Variants in NAA35 observed in about 807,000 individuals in gnomAD.
The protein encoded by NAA35 is N-alpha-acetyltransferase 35, NatC auxiliary subunit.
In NAA35, 18 loss-of-function variants were observed where a neutral mutation model predicts 101.7. The ratio of observed to expected loss-of-function variants is 0.18; its 90% CI spans 0.12 to 0.26. The LOEUF is 0.26. NAA35 is among the 10% of genes least tolerant of loss of function. NAA35 has a pLI of 1.00. For synonymous variants in NAA35, 267 were observed against 273.1 expected (o/e 0.98, Z 0.22); for missense variants, 601 against 886.8 (o/e 0.68, Z 4.09).
chr9:86,001,768 G>A (rs1428978845), intron 12 of NAA35, among the ~76,000 whole-genome samples: 1 of 152,054 alleles, frequency 6.6e-6, no homozygotes, highest in African/African-American at 2.4e-5. Flanking sequence ...GTGTCATTAT[G>A]TGTGAGATGA....
chr9:85,958,404 C>G lies in NAA35; in HGVS notation c.159-68C>G, dbSNP rs41306239. The G allele has an allele frequency of 4.3e-4, 382 of 891,908 alleles. No homozygotes were observed. The African/African-American group carries it at 5.9e-3, about 14-fold the overall frequency. The allele number at this position is 891,908 out of a possible 1,614,324, so 55.2% of individuals were successfully genotyped here. A position where few individuals can be genotyped will look rare whatever the true frequency, so the allele number is the denominator to read the frequency against. ...TATTAAAAGTAGTATAATTTTATAC[C>G]GTTGTGAAAATATGAATAAGCTTAC... On this transcript the variant is annotated intron_variant, in intron 3 of 22. Coordinates refer to ENST00000361671, the MANE Select transcript of NAA35 (RefSeq NM_024635.4).
At chr9:85,941,910 G>A (rs1211657272) in intron 1 of NAA35, 2 of 1,214,126 alleles carry the variant, frequency 1.6e-6, no homozygotes, top group Non-Finnish European at 2.1e-6. Flanking sequence ...TTAAACAGTA[G>A]GAAGGCAAAA....
intron 1 of NAA35, chr9:85,941,550 G>A (rs976209652): frequency 7.1e-6 from 7 of 985,610 alleles, no homozygotes; most frequent in Non-Finnish European, 8.4e-6. Context: ...CAGTGGGACC[G>A]GGGCTGGGCT....
At chr9:85,977,314 T>C in intron 9 of NAA35, 49 bp from the exon 10 acceptor site, 1 of 1,273,276 alleles carries the variant, frequency 7.9e-7, no homozygotes. Context: ...TGAAATTCCT[T>C]TCACGGGCTT....
chr9:85,991,210 T>C (rs1022094085), intron 11 of NAA35, among the ~76,000 whole-genome samples: 34 of 151,344 alleles, frequency 2.2e-4, no homozygotes, highest in Admixed American at 2.2e-3. Flanking sequence ...AGGCAGGGAG[T>C]AGAGAGAGGC....
Position 86,025,350 on chromosome 9 carries a change from G to GT in NAA35, c.*3392dup, listed in dbSNP as rs1188441004. Among the ~76,000 whole-genome samples, 1 of 152,188 alleles carries GT rather than the reference G, an allele frequency of 6.6e-6. No homozygotes were observed. The highest frequency in any genetic ancestry group is 1.5e-5 in the Non-Finnish European group (1 of 68,034). ...GGGTGGGGCAGAAGCTGGAAAGTCA[G>GT]TTGAGGTGTAGACCATGCAGTGAGG... On this transcript the variant is annotated 3_prime_UTR_variant, in exon 23 of 23. Coordinates refer to ENST00000361671, the MANE Select transcript of NAA35 (RefSeq NM_024635.4).
chr9:86,009,826 G>T, intron 14 of NAA35, 39 bp from the exon 15 acceptor site: 2 of 1,514,414 alleles, frequency 1.3e-6, no homozygotes, highest in East Asian at 2.3e-5. Flanking sequence ...CTTTTGTTTG[G>T]GCTGAATAGA....
chr9:86,017,145 C>T (rs1376860713), intron 18 of NAA35, among the ~76,000 whole-genome samples: 1 of 152,212 alleles, frequency 6.6e-6, no homozygotes, highest in Non-Finnish European at 1.5e-5. Context: ...GATATGGCTG[C>T]AATTATTATA....
Position 86,023,379 on chromosome 9 carries a change from CA to C in NAA35, c.*1426del, listed in dbSNP as rs1168793456. On this transcript the variant is annotated 3_prime_UTR_variant, in exon 23 of 23. Transcript: ENST00000361671. ...GCTGGTAATTACTGAATGCTTTAAA[CA>C]AAAAAAGGCAAAGGAATGGTAGGAA... 6.6e-6 allele frequency among the ~76,000 whole-genome samples: 1 copy of C among 151,152 alleles called. No homozygotes were observed. Among genetic ancestry groups the C allele is most frequent in the Non-Finnish European group, 1.5e-5 (1 of 67,800 alleles).
intron 2 of NAA35, among the ~76,000 whole-genome samples, chr9:85,954,944 G>A (rs1233301390): frequency 6.6e-6 from 1 of 152,102 alleles, no homozygotes; most frequent in East Asian, 1.9e-4. Context: ...TTGAGAGGGA[G>A]TCTCCTTCTG....
At chr9:86,020,534 C>T (rs1832475560) in intron 21 of NAA35, among the ~76,000 whole-genome samples, 1 of 152,214 alleles carries the variant, frequency 6.6e-6, no homozygotes, top group South Asian at 2.1e-4. Context: ...TACAAAGTTT[C>T]TATTAGTATC....
At chr9:85,971,087 A>G (rs910808175) in intron 6 of NAA35, among the ~76,000 whole-genome samples, 2 of 152,342 alleles carry the variant, frequency 1.3e-5, no homozygotes, top group Non-Finnish European at 2.9e-5. Flanking sequence ...CATGCTTTAC[A>G]TTCATTTGAA....
At chr9:85,947,726 A>G (rs1479098694) in intron 2 of NAA35, among the ~76,000 whole-genome samples, 2 of 152,200 alleles carry the variant, frequency 1.3e-5, no homozygotes, top group Non-Finnish European at 2.9e-5. Context: ...CCACAAACAA[A>G]TAATTATCCT....
At chr9:85,962,875 T>C (rs1829581665) in intron 6 of NAA35, among the ~76,000 whole-genome samples, 1 of 152,200 alleles carries the variant, frequency 6.6e-6, no homozygotes, top group Non-Finnish European at 1.5e-5. Context: ...TTTTAGGGTA[T>C]AGACATTTTC....
chr9:85,979,169 C>CA (rs2118075368), intron 11 of NAA35, among the ~76,000 whole-genome samples: 1 of 152,308 alleles, frequency 6.6e-6, no homozygotes, highest in African/African-American at 2.4e-5. Context: ...AGGGTACACT[C>CA]ACCAGCAGTT....
At chr9:85,948,988 C>T (rs1232596461) in intron 2 of NAA35, among the ~76,000 whole-genome samples, 1 of 152,074 alleles carries the variant, frequency 6.6e-6, no homozygotes, top group Non-Finnish European at 1.5e-5. Flanking sequence ...AACTCATGAC[C>T]TCGGGTGATC....
chr9:85,982,037 CTT>C (rs958904382), intron 11 of NAA35, among the ~76,000 whole-genome samples: 1 of 152,174 alleles, frequency 6.6e-6, no homozygotes, highest in Non-Finnish European at 1.5e-5. Flanking sequence ...AATAATCAAA[CTT>C]GATCTGAGAA....
chr9:86,022,210 T>C lies in NAA35; in HGVS notation c.*250T>C. ...CATTGATGAACGTTATATGGTTTTA[T>C]TACAGATTTAATCACAAATCATTTT... is the stretch of plus-strand genomic sequence containing the variant. On this transcript the variant is annotated 3_prime_UTR_variant, in exon 23 of 23. Coordinates refer to ENST00000361671, the MANE Select transcript of NAA35 (RefSeq NM_024635.4). The C allele has an allele frequency of 3.1e-6, 1 of 323,426 alleles. No homozygotes were observed. The highest frequency in any genetic ancestry group is 5.5e-6 in the Non-Finnish European group (1 of 180,590). 20.0% of individuals were successfully genotyped at this position (323,426 alleles called of 1,614,324 possible).
intron 17 of NAA35, among the ~76,000 whole-genome samples, chr9:86,014,846 AT>A (rs1403886984): frequency 6.6e-6 from 1 of 152,212 alleles, no homozygotes; most frequent in Non-Finnish European, 1.5e-5. Context: ...TATATAGATA[AT>A]ACCAAATAAT....
Sources: gnomAD v4.1 joint callset for allele counts (sites outside exome capture counted in the v4.1 genomes callset) on GRCh38, gnomAD v4.1.1 for gene constraint, MANE v1.5 for transcripts, NCBI Gene and HGNC (gene_info 2026-07-23, HGNC 2026-07-21) for gene names.